The following PLCG2 variants were observed in gnomAD, a reference collection of about 807,000 sequenced individuals.
PLCG2 encodes phospholipase C gamma 2, also known as 1-phosphatidylinositol 4,5-bisphosphate phosphodiesterase gamma-2.
In PLCG2, 69 loss-of-function variants were observed where a neutral mutation model predicts 175.6. The ratio of observed to expected loss-of-function variants is 0.39; its 90% CI spans 0.32 to 0.48. The LOEUF is 0.48. Among genes scored for constraint, PLCG2 ranks in the 20% least tolerant of loss-of-function variants. PLCG2 has a pLI of 0.91. For missense variants in PLCG2, 1,798 were observed against 1,650.9 expected (o/e 1.09, Z -1.54); for synonymous variants, 827 against 624.0 (o/e 1.33, Z -4.85).
At position 81,797,868 on chromosome 16, in the gene PLCG2, G is replaced by C. The variant is rs576388416; in HGVS notation, c.193+11686G>C. Reference sequence around the variant, plus strand: ...TTTTTTTGAGATGGAGTCTCACTCTGTCCCCAGGCTGAAGTGCAGCGGCAC... The same window carrying C: ...TTTTTTTGAGATGGAGTCTCACTCTCTCCCCAGGCTGAAGTGCAGCGGCAC... On this transcript the variant is annotated intron_variant, in intron 2 of 32. Transcript: ENST00000564138. 2.7e-5 allele frequency among the ~76,000 whole-genome samples: 4 copies of C among 148,016 alleles called. No homozygotes were observed. The Admixed American group carries it at 2.7e-4, about 10-fold the overall frequency.
chr16:81,931,785 C>T, intron 25 of PLCG2, 131 bp downstream of exon 25: 1 of 735,550 alleles, frequency 1.4e-6, no homozygotes, highest in East Asian at 2.5e-5. Flanking sequence ...AGGAAGGAGA[C>T]CAGGTGGATT....
intron 2 of PLCG2, among the ~76,000 whole-genome samples, chr16:81,817,008 C>T (rs191606821): frequency 9.7e-4 from 147 of 152,206 alleles, no homozygotes; most frequent in African/African-American, 3.2e-3. Flanking sequence ...CAGAAGGTGA[C>T]GGGCACTGGA....
intron 2 of PLCG2, among the ~76,000 whole-genome samples, chr16:81,763,282 C>G (rs1479089623): frequency 6.6e-6 from 1 of 152,184 alleles, no homozygotes. Context: ...TATCAGTCAT[C>G]CATTGCTGCA....
At chr16:81,803,613 T>TCTC (rs1911851760) in intron 2 of PLCG2, among the ~76,000 whole-genome samples, 1 of 146,998 alleles carries the variant, frequency 6.8e-6, no homozygotes, top group East Asian at 2.0e-4. Context: ...TCTTTTCTTT[T>TCTC]CTTTTCCTTT....
chr16:81,831,213 G>T (rs565531025), intron 2 of PLCG2, among the ~76,000 whole-genome samples: 1 of 152,122 alleles, frequency 6.6e-6, no homozygotes, highest in African/African-American at 2.4e-5. Context: ...ACTTGTCTCT[G>T]TCTCCTCCTA....
chr16:81,844,735 T>A (rs1444351730), intron 2 of PLCG2, among the ~76,000 whole-genome samples: 1 of 152,244 alleles, frequency 6.6e-6, no homozygotes, highest in Non-Finnish European at 1.5e-5. Flanking sequence ...ATAGTAGACA[T>A]TCAGATAGTG....
intron 1 of PLCG2, among the ~76,000 whole-genome samples, chr16:81,752,713 C>T (rs1909837230): frequency 6.6e-6 from 1 of 152,358 alleles, no homozygotes; most frequent in African/African-American, 2.4e-5. Flanking sequence ...AAGGACGTGA[C>T]TGTAGACGAG....
intron 2 of PLCG2, among the ~76,000 whole-genome samples, chr16:81,802,470 C>T (rs1269997079): frequency 6.6e-6 from 1 of 151,886 alleles, no homozygotes; most frequent in Non-Finnish European, 1.5e-5. Flanking sequence ...CAAGTGTTCC[C>T]AGTAGATGCT....
At chr16:81,810,851 C>T (rs1422057269) in intron 2 of PLCG2, among the ~76,000 whole-genome samples, 1 of 152,072 alleles carries the variant, frequency 6.6e-6, no homozygotes, top group Non-Finnish European at 1.5e-5. Flanking sequence ...GAGAGGCAAG[C>T]ACAACATTGA....
At chr16:81,946,952 T>G (rs1047638507) in intron 31 of PLCG2, among the ~76,000 whole-genome samples, 22 of 152,202 alleles carry the variant, frequency 1.4e-4, no homozygotes, top group South Asian at 4.2e-4. Flanking sequence ...TCACTGAAGA[T>G]CTGGGATTTG....
intron 30 of PLCG2, among the ~76,000 whole-genome samples, chr16:81,943,092 TTGGAGTGTAGGGGCTACCTGA>T (rs1911016133): frequency 1.3e-5 from 2 of 152,154 alleles, no homozygotes; most frequent in African/African-American, 4.8e-5. Context: ...AACCATGCTA[TTGGAGTGTAGGGGCTACCTGA>T]TAGCCTCCCG....
chr16:81,879,246 T>C (rs1907963247), intron 7 of PLCG2, among the ~76,000 whole-genome samples: 1 of 152,210 alleles, frequency 6.6e-6, no homozygotes, highest in Non-Finnish European at 1.5e-5. Flanking sequence ...TTCTAGCCCC[T>C]GATGCCTTCA....
At chr16:81,826,706 C>A (rs999541684) in intron 2 of PLCG2, among the ~76,000 whole-genome samples, 1 of 152,154 alleles carries the variant, frequency 6.6e-6, no homozygotes, top group Non-Finnish European at 1.5e-5. Flanking sequence ...AAATCCTCCT[C>A]ATGCTTTTTG....
At chr16:81,933,328 G>T (rs530862123) in intron 25 of PLCG2, among the ~76,000 whole-genome samples, 2 of 152,190 alleles carry the variant, frequency 1.3e-5, no homozygotes, top group East Asian at 1.9e-4. Flanking sequence ...AAGGAAGAAG[G>T]CCCCATCCCA....
chr16:81,893,825 C>G (rs760053594), intron 12 of PLCG2, 31 bp downstream of exon 12: 4 of 1,429,106 alleles, frequency 2.8e-6, no homozygotes, highest in African/African-American at 2.8e-5. Flanking sequence ...GGAGGTCAGG[C>G]TCGCAGCAAA....
At chr16:81,853,595 C>T (rs559059031) in intron 2 of PLCG2, among the ~76,000 whole-genome samples, 49 of 152,272 alleles carry the variant, frequency 3.2e-4, no homozygotes, top group African/African-American at 1.1e-3. Context: ...GTTTGCGCCC[C>T]TATGAGAATC....
chr16:81,770,822 GC>G (rs1206909072), intron 2 of PLCG2, among the ~76,000 whole-genome samples: 1 of 152,164 alleles, frequency 6.6e-6, no homozygotes, highest in African/African-American at 2.4e-5. Flanking sequence ...ACTTTGCGGG[GC>G]CGAGGCGGGC....
intron 14 of PLCG2, among the ~76,000 whole-genome samples, chr16:81,901,130 A>T (rs1597118848): frequency 1.3e-5 from 2 of 151,736 alleles, no homozygotes. Flanking sequence ...TCATTGGTGA[A>T]CCTTCCCCAT....
At chr16:81,886,505 T>G (rs1908374827) in intron 9 of PLCG2, among the ~76,000 whole-genome samples, 1 of 152,218 alleles carries the variant, frequency 6.6e-6, no homozygotes, top group Admixed American at 6.5e-5. Context: ...TCCCAGACAC[T>G]TATCCTAAGG....
Sources: allele counts gnomAD v4.1 joint callset (sites outside exome capture counted in the v4.1 genomes callset), GRCh38; gene constraint gnomAD v4.1.1; transcripts MANE v1.5; gene names NCBI Gene and HGNC (gene_info 2026-07-23, HGNC 2026-07-21).